ASTN2: variants seen among roughly 807,000 people sequenced by gnomAD.
The protein encoded by ASTN2 is astrotactin-2.
ASTN2 carries 54 observed loss-of-function variants against 139.8 expected under a neutral mutation model. The ratio of observed to expected loss-of-function variants is 0.39; its 90% CI spans 0.31 to 0.48. The LOEUF is 0.48. Among genes scored for constraint, ASTN2 ranks in the 20% least tolerant of loss-of-function variants. The pLI, the probability that ASTN2 is intolerant of heterozygous loss-of-function variation, is 0.95. For missense variants in ASTN2, 1,565 were observed against 1,725.1 expected (o/e 0.91, Z 1.64); for synonymous variants, 756 against 719.5 (o/e 1.05, Z -0.81).
rs372159502 is a variant in ASTN2 at position 116,472,417 on chromosome 9, G to T, written c.3497+14942C>A. Among the ~76,000 whole-genome samples, 46 of 152,196 alleles carry T rather than the reference G, an allele frequency of 3.0e-4. No individual in the cohort carries two copies. The East Asian group carries it at 6.4e-3, about 21-fold the overall frequency. On this transcript the variant is annotated intron_variant, in intron 20 of 22. Transcript: ENST00000313400. ...AGAGATCACAGCCTCCTCAGAACTC[G>T]CATGCCTTTATTATGGGGCAAATCA...
chr9:117,363,976 C>A (rs896216865), intron 1 of ASTN2, among the ~76,000 whole-genome samples: 2 of 152,144 alleles, frequency 1.3e-5, no homozygotes, highest in East Asian at 1.9e-4. Flanking sequence ...CCTGTCTAAA[C>A]GTGGATTAAA....
At chr9:117,062,813 G>A (rs975650253) in intron 5 of ASTN2, among the ~76,000 whole-genome samples, 6 of 152,182 alleles carry the variant, frequency 3.9e-5, no homozygotes, top group African/African-American at 1.4e-4. Flanking sequence ...AAGGAATACT[G>A]TTCATATTTC....
Position 116,845,203 on chromosome 9 carries a change from C to T in ASTN2, c.2040+18380G>A, listed in dbSNP as rs145542626. On this transcript the variant is annotated intron_variant, in intron 11 of 22. Transcript: ENST00000313400. ...GATCTCGGCTCAATGCAAGCTCCAC[C>T]TCCCGGGTTCACGCCATTCTCCCGC... Among the ~76,000 whole-genome samples, 3 of 152,310 alleles carry T rather than the reference C, an allele frequency of 2.0e-5. No individual in the cohort carries two copies. The East Asian group carries it at 5.8e-4, about 29-fold the overall frequency.
intron 16 of ASTN2, among the ~76,000 whole-genome samples, chr9:116,695,784 G>T (rs977566170): frequency 7.9e-5 from 12 of 152,100 alleles, no homozygotes; most frequent in Non-Finnish European, 1.5e-5. Flanking sequence ...GATCTCTCTG[G>T]GTCAACTTCA....
At chr9:117,345,108 G>A (rs535119165) in intron 1 of ASTN2, among the ~76,000 whole-genome samples, 1 of 152,232 alleles carries the variant, frequency 6.6e-6, no homozygotes, top group African/African-American at 2.4e-5. Flanking sequence ...GTTTTCTGCA[G>A]CACAAAGGAG....
chr9:116,839,740 G>C (rs1291389901), intron 11 of ASTN2, among the ~76,000 whole-genome samples: 1 of 151,536 alleles, frequency 6.6e-6, no homozygotes, highest in Non-Finnish European at 1.5e-5. Flanking sequence ...GCGTGATCTC[G>C]GCATACTGCA....
chr9:116,796,013 G>A (rs1296382659), intron 13 of ASTN2, among the ~76,000 whole-genome samples: 1 of 152,178 alleles, frequency 6.6e-6, no homozygotes, highest in African/African-American at 2.4e-5. Flanking sequence ...TCTAGTCCCT[G>A]CATAATCCTG....
At position 117,067,508 on chromosome 9, in the gene ASTN2, A is replaced by G. The variant is rs1249996745; in HGVS notation, c.1277-27543T>C. On this transcript the variant is annotated intron_variant, in intron 5 of 22. Transcript: ENST00000313400. ...GATGCGGGCTCTTTTTTGGTTCCAT[A>G]TGAACTTTAAAGTAGTTTTTTCCAA... Among the ~76,000 whole-genome samples, 43 of 130,420 alleles carry G rather than the reference A, an allele frequency of 3.3e-4. 1 individual carries two copies. Among genetic ancestry groups the G allele is most frequent in the African/African-American group, 1.1e-3 (41 of 35,726 alleles). 85.6% of individuals were successfully genotyped at this position (130,420 alleles called of 152,430 possible).
At chr9:117,380,119 G>A (rs532433214) in intron 1 of ASTN2, among the ~76,000 whole-genome samples, 1 of 152,248 alleles carries the variant, frequency 6.6e-6, no homozygotes, top group African/African-American at 2.4e-5. Context: ...ATCCATTTAT[G>A]TTTTTACTCC....
At chr9:116,974,644 G>T (rs993424497) in intron 10 of ASTN2, among the ~76,000 whole-genome samples, 6 of 152,036 alleles carry the variant, frequency 3.9e-5, no homozygotes, top group Middle Eastern at 3.4e-3. Flanking sequence ...AAGTAGCTGG[G>T]ATTATAGGCG....
At chr9:117,264,397 CATA>C (rs1335777778) in intron 2 of ASTN2, among the ~76,000 whole-genome samples, 2 of 152,194 alleles carry the variant, frequency 1.3e-5, no homozygotes, top group African/African-American at 4.8e-5. Context: ...TGGGCAACTG[CATA>C]ATTTCTCCAA....
intron 1 of ASTN2, among the ~76,000 whole-genome samples, chr9:117,307,899 G>A (rs1835043368): frequency 6.6e-6 from 1 of 152,188 alleles, no homozygotes; most frequent in South Asian, 2.1e-4. Flanking sequence ...TCTCCTGAAA[G>A]CCTGTTTCCT....
chr9:116,565,388 CATATATATATATATATAT>C (rs1164878126), intron 19 of ASTN2, among the ~76,000 whole-genome samples: 2 of 34,018 alleles, frequency 5.9e-5, no homozygotes, highest in South Asian at 1.4e-3. Context: ...TCTCTCTCTC[CATATATATATATATATAT>C]ATATATATAT....
At chr9:116,789,917 TCTC>T (rs141663608) in intron 13 of ASTN2, among the ~76,000 whole-genome samples, 11 of 135,046 alleles carry the variant, frequency 8.1e-5, no homozygotes, top group African/African-American at 3.4e-4. Context: ...CTTTTCTCTT[TCTC>T]TTTTTTTTTT....
At chr9:117,060,908 A>C (rs1347214242) in intron 5 of ASTN2, among the ~76,000 whole-genome samples, 2 of 152,158 alleles carry the variant, frequency 1.3e-5, no homozygotes, top group Non-Finnish European at 2.9e-5. Context: ...GAAAGGGAAA[A>C]GAAAAGAAAA....
intron 11 of ASTN2, among the ~76,000 whole-genome samples, chr9:116,850,536 A>T (rs1442328041): frequency 6.6e-6 from 1 of 152,148 alleles, no homozygotes; most frequent in Non-Finnish European, 1.5e-5. Flanking sequence ...GACAATGAAC[A>T]TGTCACTTCC....
chr9:116,678,890 T>C (rs1859666209), intron 16 of ASTN2, among the ~76,000 whole-genome samples: 1 of 152,210 alleles, frequency 6.6e-6, no homozygotes, highest in Non-Finnish European at 1.5e-5. Flanking sequence ...AAATTTTATT[T>C]TAAAAAGTAG....
intron 19 of ASTN2, among the ~76,000 whole-genome samples, chr9:116,602,326 TTG>T (rs1387017206): frequency 1.3e-5 from 2 of 152,148 alleles, no homozygotes; most frequent in African/African-American, 4.8e-5. Flanking sequence ...AATGTTTTGT[TTG>T]TGTCTTTGTT....
chr9:117,008,042 C>T (rs1401734878), intron 7 of ASTN2, 50 bp downstream of exon 7: 1 of 1,487,494 alleles, frequency 6.7e-7, no homozygotes, highest in African/African-American at 1.4e-5. Flanking sequence ...ATGCCTCTTT[C>T]AACCCAGCCT....
Sources: gnomAD v4.1 joint callset for allele counts (sites outside exome capture counted in the v4.1 genomes callset) on GRCh38, gnomAD v4.1.1 for gene constraint, MANE v1.5 for transcripts, NCBI Gene and HGNC (gene_info 2026-07-23, HGNC 2026-07-21) for gene names.